The following CCDC122 variants were observed in gnomAD, a reference collection of about 807,000 sequenced individuals.
CCDC122 encodes coiled-coil domain containing 122, also known as coiled-coil domain-containing protein 122.
Under a neutral mutation model 37.0 loss-of-function variants are expected in CCDC122, and 38 were observed. That is an observed-to-expected ratio of 1.03 (90% CI 0.79 to 1.35). The LOEUF is 1.35. CCDC122 is among the 40% of genes most tolerant of loss of function. The pLI is 0.00. For missense variants in CCDC122, 305 were observed against 310.0 expected (o/e 0.98, Z 0.12); for synonymous variants, 83 against 95.6 (o/e 0.87, Z 0.77).
intron 3 of CCDC122, among the ~76,000 whole-genome samples, chr13:43,827,996 T>A (rs9525851): frequency 0.51 from 76,916 of 152,018 alleles, 20,729 homozygotes; most frequent in Non-Finnish European, 0.62. Flanking sequence ...ATTGCAGATT[T>A]TATCTGTTAG....
At chr13:43,847,527 G>T (rs1032509222) in intron 6 of CCDC122, among the ~76,000 whole-genome samples, 1 of 152,116 alleles carries the variant, frequency 6.6e-6, no homozygotes, top group Non-Finnish European at 1.5e-5. Context: ...ATAGCCTTGT[G>T]CAAGTTATTT....
At chr13:43,829,739 C>A (rs1953070771) in intron 3 of CCDC122, among the ~76,000 whole-genome samples, 1 of 152,136 alleles carries the variant, frequency 6.6e-6, no homozygotes, top group Admixed American at 6.5e-5. Context: ...TGAGAACAAC[C>A]AAAATATTTT....
chr13:43,841,336 C>G (rs1314596669), intron 6 of CCDC122, among the ~76,000 whole-genome samples: 1 of 152,194 alleles, frequency 6.6e-6, no homozygotes, highest in Non-Finnish European at 1.5e-5. Flanking sequence ...AGCAGTTGCA[C>G]TATTTTATAA....
At chr13:43,833,294 G>A (rs953396165), downstream of CCDC122, among the ~76,000 whole-genome samples, 2 of 152,128 alleles carry the variant, frequency 1.3e-5, no homozygotes, top group African/African-American at 4.8e-5. Flanking sequence ...TTAGGTAACA[G>A]TGCCTAGCAG....
chr13:43,843,136 A>ATGAT (rs1205831912), intron 6 of CCDC122, among the ~76,000 whole-genome samples: 3 of 152,052 alleles, frequency 2.0e-5, no homozygotes, highest in Non-Finnish European at 4.4e-5. Flanking sequence ...ACCAGTAAGT[A>ATGAT]TGATATGTTG....
chr13:43,820,904 T>C (rs931671998), downstream of CCDC122, among the ~76,000 whole-genome samples: 23 of 152,224 alleles, frequency 1.5e-4, no homozygotes, highest in Non-Finnish European at 3.2e-4. Flanking sequence ...AAAATTGCTG[T>C]AGAGAAAACA....
intron 6 of CCDC122, among the ~76,000 whole-genome samples, chr13:43,857,153 T>C (rs539865929): frequency 2.0e-4 from 31 of 152,324 alleles, no homozygotes; most frequent in Non-Finnish European, 3.2e-4. Flanking sequence ...ATATTTTTCT[T>C]TATTTCTGAT....
chr13:43,827,544 T>A (rs577493755), intron 3 of CCDC122, among the ~76,000 whole-genome samples: 15 of 152,348 alleles, frequency 9.8e-5, no homozygotes, highest in African/African-American at 3.6e-4. Flanking sequence ...TTTGGTACAG[T>A]TGACCCTCGA....
intron 6 of CCDC122, chr13:43,856,242 TA>T (rs1455801674): frequency 9.2e-5 from 14 of 152,214 alleles, no homozygotes; most frequent in African/African-American, 3.1e-4. Context: ...TAATGGGTAC[TA>T]GGCTTAATAC....
rs1039505122 is a variant in CCDC122, at chr13:43,826,304, T to C, written n.602-2293A>G. ...TTTCAGGGACACTGTATTTTTGAAC[T>C]TACTTACCTAAATTGTGATGTATTC... On this transcript the variant is annotated intron_variant and non_coding_transcript_variant, in intron 3 of 3. Transcript: ENST00000470137. Among the ~76,000 whole-genome samples the C allele has an allele frequency of 5.3e-5, 8 of 152,242 alleles. No homozygotes were observed. The East Asian group carries it at 1.3e-3, about 26-fold the overall frequency.
At chr13:43,854,457 C>A (rs1297099982) in intron 6 of CCDC122, 1 of 152,122 alleles carries the variant, frequency 6.6e-6, no homozygotes, top group Non-Finnish European at 1.5e-5. Flanking sequence ...AGACCAGTAA[C>A]AAGCTCTGGA....
At chr13:43,854,835 AAT>A in intron 6 of CCDC122, 1 of 152,334 alleles carries the variant, frequency 6.6e-6, no homozygotes, top group East Asian at 1.9e-4. Flanking sequence ...CAAATCAATA[AAT>A]ATGATTCATC....
At position 43,836,354 on chromosome 13, in the gene CCDC122, T is replaced by A. The variant is rs962894963; in HGVS notation, c.*926A>T. The A allele has an allele frequency of 2.0e-5, 3 of 152,250 alleles. No individual in the cohort carries two copies. The highest frequency in any genetic ancestry group is 6.5e-5 in the Admixed American group (1 of 15,278). The allele number at this position is 152,250 out of a possible 1,614,324, so 9.4% of individuals were successfully genotyped here. On this transcript the variant is annotated 3_prime_UTR_variant, in exon 7 of 7. Coordinates refer to ENST00000444614, the MANE Select transcript of CCDC122 (RefSeq NM_144974.5). ...ATTTAGTCACAGAATACGAATAATTTATAGAAAGTGAACAAAATATTTTAT... is the reference window on the plus strand; with the variant it reads ...ATTTAGTCACAGAATACGAATAATTAATAGAAAGTGAACAAAATATTTTAT...
chr13:43,856,924 G>A (rs908404279), intron 6 of CCDC122, among the ~76,000 whole-genome samples: 1 of 143,676 alleles, frequency 7.0e-6, no homozygotes, highest in Non-Finnish European at 1.5e-5. Context: ...TTACTCTTAT[G>A]ACAATTATAC....
At chr13:43,872,070 CAT>C (rs1440310090) in intron 2 of CCDC122, among the ~76,000 whole-genome samples, 2 of 151,940 alleles carry the variant, frequency 1.3e-5, no homozygotes, top group African/African-American at 4.8e-5. Context: ...CCCAGCAACC[CAT>C]AGAGTATAAC....
At chr13:43,849,276 A>C (rs1448262200) in intron 6 of CCDC122, 1 of 168,958 alleles carries the variant, frequency 5.9e-6, no homozygotes. Context: ...ACATCAAAAA[A>C]CAGAAGTCTT....
intron 1 of CCDC122, chr13:43,879,284 A>C (rs1334279692): frequency 6.6e-6 from 1 of 152,444 alleles, no homozygotes; most frequent in South Asian, 2.0e-4. Context: ...TGCCCTCTGG[A>C]GACCTGCAGC....
chr13:43,833,877 C>G (rs117665630), downstream of CCDC122, among the ~76,000 whole-genome samples: 989 of 152,232 alleles, frequency 6.5e-3, 37 homozygotes, highest in South Asian at 0.098. Context: ...AGCTTTAAAA[C>G]AGAAGCATGT....
At chr13:43,835,124 G>A (rs1426652201), downstream of CCDC122, among the ~76,000 whole-genome samples, 2 of 152,086 alleles carry the variant, frequency 1.3e-5, no homozygotes, top group Non-Finnish European at 2.9e-5. Flanking sequence ...GGAATACTAT[G>A]CAGCCATAAA....
Sources: allele counts gnomAD v4.1 joint callset (sites outside exome capture counted in the v4.1 genomes callset), GRCh38; gene constraint gnomAD v4.1.1; transcripts MANE v1.5; gene names NCBI Gene and HGNC (gene_info 2026-07-23, HGNC 2026-07-21).